The following GRHL2 variants were observed in gnomAD, a reference collection of about 807,000 sequenced individuals.
GRHL2 encodes the protein grainyhead like transcription factor 2.
A neutral mutation model predicts 83.8 loss-of-function variants in GRHL2; 21 were observed. The observed-to-expected ratio is 0.25, with a 90% CI of 0.18 to 0.36. GRHL2 has a LOEUF of 0.36. Ranked by LOEUF, GRHL2 falls within the 10% of genes least tolerant of loss-of-function variation. The probability of loss-of-function intolerance (pLI) is 1.00; values close to 1 mark genes in which losing one functional copy is unlikely to be tolerated. For synonymous variants in GRHL2, 280 were observed against 278.9 expected, an observed-to-expected ratio of 1.00 and a Z score of -0.04; for missense variants, 623 against 781.8, an observed-to-expected ratio of 0.80 and a Z score of 2.42.
At chr8:101,573,555 T>C (rs1811869239) in intron 5 of GRHL2, 113 bp from the exon 6 acceptor site, 2 of 1,334,762 alleles carry the variant, frequency 1.5e-6, no homozygotes, top group East Asian at 2.3e-5. Flanking sequence ...GTTTTGTCTC[T>C]AAAACAGTAA....
At chr8:101,617,512 T>A (rs751917925) in intron 8 of GRHL2, among the ~76,000 whole-genome samples, 20 of 152,186 alleles carry the variant, frequency 1.3e-4, no homozygotes, top group Non-Finnish European at 2.4e-4. Context: ...TTATTTTATT[T>A]ATTTATTTTG....
Position 101,662,860 on chromosome 8 carries a change from C to CATATATATATATATATATATATATAT in GRHL2, c.1699-1585_1699-1584insTATATATATATATATATATATATATA, listed in dbSNP as rs34202494. Among the ~76,000 whole-genome samples the CATATATATATATATATATATATATAT allele has an allele frequency of 3.9e-4, 57 of 146,162 alleles. 1 individual carries two copies. The highest frequency in any genetic ancestry group is 1.3e-3 in the African/African-American group (51 of 39,070). On this transcript the variant is annotated intron_variant, in intron 14 of 15. Transcript: ENST00000646743. ...CCTTCAAATATTCTCTATGTACTTACATATATATACATATATATATTTAAA... is the reference window on the plus strand; with the variant it reads ...CCTTCAAATATTCTCTATGTACTTACATATATATATATATATATATATATATATATATATACATATATATATTTAAA...
Position 101,619,367 on chromosome 8 carries a change from A to T in GRHL2, c.1099-172A>T, listed in dbSNP as rs536242587. On this transcript the variant is annotated intron_variant, in intron 8 of 15. Transcript: ENST00000646743. ...CAGATTTTAAAAATAATGTATAATT[A>T]TAAATTATATGTTTTATGCTCAGCA... is the stretch of plus-strand genomic sequence containing the variant. 2.6e-5 allele frequency among the ~76,000 whole-genome samples: 4 copies of T among 152,380 alleles called. No homozygotes were observed. In the South Asian group the frequency reaches 8.3e-4, roughly 32 times the overall value.
chr8:101,671,916 C>T (rs1228503679), downstream of GRHL2, among the ~76,000 whole-genome samples: 1 of 152,186 alleles, frequency 6.6e-6, no homozygotes, highest in Non-Finnish European at 1.5e-5. Context: ...TGTTCTGCAG[C>T]CACCGCTGCT....
chr8:101,526,752 C>T (rs1281548272), intron 1 of GRHL2, among the ~76,000 whole-genome samples: 2 of 152,116 alleles, frequency 1.3e-5, no homozygotes, highest in Non-Finnish European at 2.9e-5. Context: ...CAAAGCACTG[C>T]ACGAGTGCTT....
intron 12 of GRHL2, among the ~76,000 whole-genome samples, chr8:101,637,553 C>A (rs1210545514): frequency 6.6e-6 from 1 of 152,168 alleles, no homozygotes; most frequent in Non-Finnish European, 1.5e-5. Flanking sequence ...TGCTTTCTAT[C>A]CATTAATTCA....
At chr8:101,532,725 G>A (rs973728277) in intron 1 of GRHL2, among the ~76,000 whole-genome samples, 12 of 150,912 alleles carry the variant, frequency 8.0e-5, no homozygotes, top group Non-Finnish European at 1.0e-4. Flanking sequence ...CTGCACTCCA[G>A]CCTGGGGGAC....
chr8:101,524,278 C>A (rs1428531027), intron 1 of GRHL2, among the ~76,000 whole-genome samples: 1 of 152,152 alleles, frequency 6.6e-6, no homozygotes, highest in Non-Finnish European at 1.5e-5. Context: ...TGTTAGTTTT[C>A]TTTGCCATTT....
intron 12 of GRHL2, among the ~76,000 whole-genome samples, chr8:101,640,651 G>C (rs1235753252): frequency 6.6e-6 from 1 of 152,100 alleles, no homozygotes; most frequent in Non-Finnish European, 1.5e-5. Flanking sequence ...CTGATCCTCT[G>C]TCCCCAGTGG....
intron 12 of GRHL2, among the ~76,000 whole-genome samples, chr8:101,642,965 G>A (rs539536077): frequency 2.3e-4 from 35 of 152,176 alleles, no homozygotes; most frequent in Middle Eastern, 3.4e-3. Context: ...GAACTGGTCC[G>A]GGCTCCTACA....
At chr8:101,545,093 G>A (rs1477144483) in intron 2 of GRHL2, among the ~76,000 whole-genome samples, 1 of 152,164 alleles carries the variant, frequency 6.6e-6, no homozygotes, top group African/African-American at 2.4e-5. Flanking sequence ...TGAGTGGCAG[G>A]TGCAAGTGAC....
intron 6 of GRHL2, among the ~76,000 whole-genome samples, chr8:101,575,609 C>T (rs942867068): frequency 6.6e-5 from 10 of 152,122 alleles, no homozygotes; most frequent in Admixed American, 2.0e-4. Flanking sequence ...GCATGTAGGG[C>T]GTGGTAACAA....
chr8:101,644,534 T>C (rs1191561980), intron 13 of GRHL2, among the ~76,000 whole-genome samples: 1 of 152,228 alleles, frequency 6.6e-6, no homozygotes, highest in African/African-American at 2.4e-5. Flanking sequence ...TGGACAGTCA[T>C]ACCTCATAAG....
intron 3 of GRHL2, among the ~76,000 whole-genome samples, chr8:101,556,147 G>A (rs1169338276): frequency 6.6e-6 from 1 of 152,082 alleles, no homozygotes; most frequent in African/African-American, 2.4e-5. Flanking sequence ...AGTAGAGATG[G>A]CGTTTCTCCA....
intron 1 of GRHL2, among the ~76,000 whole-genome samples, chr8:101,499,834 T>C (rs1206668127): frequency 6.6e-6 from 1 of 152,074 alleles, no homozygotes; most frequent in East Asian, 1.9e-4. Context: ...TCCCAGCACT[T>C]TGGGAAGCCG....
intron 11 of GRHL2, among the ~76,000 whole-genome samples, chr8:101,633,218 T>C (rs964963970): frequency 6.6e-6 from 1 of 152,218 alleles, no homozygotes; most frequent in African/African-American, 2.4e-5. Context: ...AAACAAAAAA[T>C]TGTGTGAAAA....
chr8:101,679,540 G>A, the GRHL2 span, among the ~76,000 whole-genome samples: 1 of 149,586 alleles, frequency 6.7e-6, no homozygotes, highest in Non-Finnish European at 1.5e-5. Context: ...ATCTAGCAAG[G>A]CAGGCCAACG....
At chr8:101,645,207 A>G (rs550635101) in intron 13 of GRHL2, among the ~76,000 whole-genome samples, 2 of 141,470 alleles carry the variant, frequency 1.4e-5, no homozygotes, top group Non-Finnish European at 3.0e-5. Flanking sequence ...ATCTCAGCTC[A>G]CTGCAACCTC....
intron 6 of GRHL2, among the ~76,000 whole-genome samples, chr8:101,576,647 T>G (rs1811939367): frequency 6.6e-6 from 1 of 152,204 alleles, no homozygotes. Flanking sequence ...AAGGGTTTTT[T>G]TTTGGAAGAG....
Sources: gnomAD v4.1 joint callset for allele counts (sites outside exome capture counted in the v4.1 genomes callset) on GRCh38, gnomAD v4.1.1 for gene constraint, MANE v1.5 for transcripts, NCBI Gene and HGNC (gene_info 2026-07-23, HGNC 2026-07-21) for gene names.